Variants in SGCZ observed in about 807,000 individuals in gnomAD.
SGCZ encodes zeta-sarcoglycan.
SGCZ carries 40 observed loss-of-function variants against 41.3 expected under a neutral mutation model. That is an observed-to-expected ratio of 0.97 (90% confidence interval 0.75 to 1.26). The LOEUF is 1.26. Among genes scored for constraint, SGCZ ranks in the 50% most tolerant of loss-of-function variants. The pLI, the probability that SGCZ is intolerant of heterozygous loss-of-function variation, is 0.00. For synonymous variants in SGCZ, 206 were observed against 137.5 expected (o/e 1.50, Z -3.49); for missense variants, 552 against 369.8 (o/e 1.49, Z -4.04).
chr8:14,429,206 T>A (rs1439546183), intron 2 of SGCZ, among the ~76,000 whole-genome samples: 1 of 152,078 alleles, frequency 6.6e-6, no homozygotes, highest in Non-Finnish European at 1.5e-5. Context: ...TAGAAGGCAA[T>A]AGGTTTATGG....
chr8:14,829,380 T>C lies in SGCZ; in HGVS notation c.40-274454A>G, dbSNP rs201617795. Among the ~76,000 whole-genome samples, 30 of 152,312 alleles carry C rather than the reference T, an allele frequency of 2.0e-4. No individual in the cohort carries two copies. The East Asian group carries it at 4.4e-3, about 23-fold the overall frequency. On this transcript the variant is annotated intron_variant, in intron 1 of 7. Coordinates refer to ENST00000382080, the MANE Select transcript of SGCZ (RefSeq NM_139167.4). ...TGGCTGGTATCATCCCTTACAAAAG[T>C]GTCTTGAACTTGATGACGCTTATGT...
At chr8:15,082,401 C>CAT (rs1370350635) in intron 1 of SGCZ, among the ~76,000 whole-genome samples, 3 of 149,282 alleles carry the variant, frequency 2.0e-5, no homozygotes, top group Non-Finnish European at 4.5e-5. Flanking sequence ...TATATACACA[C>CAT]ATATACACAC....
At chr8:14,720,900 T>G (rs1809863455) in intron 1 of SGCZ, among the ~76,000 whole-genome samples, 1 of 129,500 alleles carries the variant, frequency 7.7e-6, no homozygotes, top group South Asian at 2.8e-4. Context: ...TCCCCAATAC[T>G]TCATGGAAAC....
chr8:14,706,215 A>C (rs1490987921), intron 1 of SGCZ, among the ~76,000 whole-genome samples: 1 of 151,988 alleles, frequency 6.6e-6, no homozygotes, highest in African/African-American at 2.4e-5. Context: ...AATTAAAAAA[A>C]ATTAGATGAA....
At chr8:14,593,948 G>T (rs7827861) in intron 1 of SGCZ, among the ~76,000 whole-genome samples, 2 of 151,734 alleles carry the variant, frequency 1.3e-5, no homozygotes, top group Admixed American at 6.6e-5. Context: ...GCCGAGATTG[G>T]TGGATCACTT....
intron 1 of SGCZ, among the ~76,000 whole-genome samples, chr8:14,869,797 G>T (rs528743950): frequency 2.0e-5 from 3 of 152,210 alleles, no homozygotes; most frequent in South Asian, 2.1e-4. Context: ...ACCAACAATA[G>T]ACAAACAGAG....
At chr8:14,492,494 T>C (rs1801868807) in intron 2 of SGCZ, among the ~76,000 whole-genome samples, 1 of 152,208 alleles carries the variant, frequency 6.6e-6, no homozygotes. Flanking sequence ...ATTTCAGTGC[T>C]TACCCAAATT....
At chr8:14,549,002 G>A (rs1046879290) in intron 2 of SGCZ, among the ~76,000 whole-genome samples, 1 of 152,012 alleles carries the variant, frequency 6.6e-6, no homozygotes, top group Admixed American at 6.6e-5. Context: ...TTTTCTAGAG[G>A]GGTTGTAAAG....
chr8:14,094,884 C>G (rs537461933), intron 7 of SGCZ, among the ~76,000 whole-genome samples: 1 of 152,102 alleles, frequency 6.6e-6, no homozygotes, highest in Non-Finnish European at 1.5e-5. Flanking sequence ...CTCTAATGAC[C>G]AATGATGAAG....
chr8:15,218,709 T>A (rs1212184737), intron 1 of SGCZ, among the ~76,000 whole-genome samples: 4 of 152,170 alleles, frequency 2.6e-5, no homozygotes, highest in African/African-American at 9.7e-5. Context: ...CCAGCCCTCA[T>A]GAACATATTA....
intron 1 of SGCZ, among the ~76,000 whole-genome samples, chr8:14,612,069 G>C (rs1249818399): frequency 6.6e-6 from 1 of 152,186 alleles, no homozygotes; most frequent in Non-Finnish European, 1.5e-5. Context: ...TTTGGATTTT[G>C]AAAAACATTA....
intron 2 of SGCZ, among the ~76,000 whole-genome samples, chr8:14,490,198 C>A (rs998077991): frequency 2.0e-5 from 3 of 152,052 alleles, no homozygotes; most frequent in Admixed American, 2.0e-4. Flanking sequence ...ACAGATATGT[C>A]AACTTTTACA....
At chr8:14,966,431 A>C (rs142339477) in intron 1 of SGCZ, among the ~76,000 whole-genome samples, 3 of 152,022 alleles carry the variant, frequency 2.0e-5, no homozygotes, top group Admixed American at 2.0e-4. Flanking sequence ...AAAAATATAT[A>C]AATTCTTAAA....
At chr8:14,794,000 G>T (rs945541215) in intron 1 of SGCZ, among the ~76,000 whole-genome samples, 1 of 152,048 alleles carries the variant, frequency 6.6e-6, no homozygotes, top group Non-Finnish European at 1.5e-5. Context: ...CAAAAAACTG[G>T]AATACTGTAC....
chr8:14,995,189 G>C (rs1802172335), intron 1 of SGCZ, among the ~76,000 whole-genome samples: 1 of 152,226 alleles, frequency 6.6e-6, no homozygotes, highest in Non-Finnish European at 1.5e-5. Context: ...TATTTATCAG[G>C]AGATGATTTG....
chr8:14,662,148 C>CT (rs1554475440), intron 1 of SGCZ, among the ~76,000 whole-genome samples: 2 of 151,324 alleles, frequency 1.3e-5, no homozygotes, highest in African/African-American at 4.9e-5. Context: ...ACTACTCTCT[C>CT]CCCTTCTCAC....
chr8:14,202,924 G>T (rs1330864798), intron 4 of SGCZ, among the ~76,000 whole-genome samples: 1 of 152,140 alleles, frequency 6.6e-6, no homozygotes, highest in Non-Finnish European at 1.5e-5. Flanking sequence ...GAATCAGGCG[G>T]GAGGTGATGG....
At chr8:14,514,481 A>G (rs1802553589) in intron 2 of SGCZ, among the ~76,000 whole-genome samples, 1 of 151,874 alleles carries the variant, frequency 6.6e-6, no homozygotes, top group Non-Finnish European at 1.5e-5. Context: ...ATTAAGGAAT[A>G]TGGTAAGAAT....
chr8:14,524,297 G>A (rs1226432316), intron 2 of SGCZ, among the ~76,000 whole-genome samples: 1 of 151,818 alleles, frequency 6.6e-6, no homozygotes, highest in Non-Finnish European at 1.5e-5. Flanking sequence ...AGGAGTGGAA[G>A]TCCAGGATCC....
Sources: gnomAD v4.1 joint callset for allele counts (sites outside exome capture counted in the v4.1 genomes callset) on GRCh38, gnomAD v4.1.1 for gene constraint, MANE v1.5 for transcripts, NCBI Gene and HGNC (gene_info 2026-07-23, HGNC 2026-07-21) for gene names.